TRIM75: variants seen among roughly 807,000 people sequenced by gnomAD.
TRIM75 encodes tripartite motif containing 75, also known as tripartite motif-containing protein 75.
At chr4:165,060,331 A>G in the TRIM75 span, 7 of 780,844 alleles carry the variant, frequency 9.0e-6, no homozygotes, top group African/African-American at 1.0e-4. Context: ...GATGGCTATC[A>G]TGCACCAGGG....
chr4:165,059,344 G>A, the TRIM75 span: 5 of 780,562 alleles, frequency 6.4e-6, no homozygotes, highest in South Asian at 6.7e-5. Context: ...GGGCACTTCA[G>A]GAGCAACACC....
chr4:165,054,343 T>C, the TRIM75 span, among the ~76,000 whole-genome samples: 3 of 150,292 alleles, frequency 2.0e-5, no homozygotes, highest in South Asian at 4.3e-4. Flanking sequence ...TCTTGACTCA[T>C]TGCAACCTCC....
At chr4:165,056,561 T>C in the TRIM75 span, among the ~76,000 whole-genome samples, 89 of 151,474 alleles carry the variant, frequency 5.9e-4, no homozygotes, top group East Asian at 0.012. Context: ...AGACAATCTA[T>C]GTACCATGTC....
chr4:165,059,394 A>G, the TRIM75 span: 14 of 780,748 alleles, frequency 1.8e-5, no homozygotes, highest in African/African-American at 1.5e-4. Context: ...GCTACTCCAG[A>G]GCACCAAGAG....
chr4:165,060,313 T>G, the TRIM75 span: 1 of 780,952 alleles, frequency 1.3e-6, no homozygotes, highest in Non-Finnish European at 2.4e-6. Flanking sequence ...AGAATTGAGC[T>G]GCAAGATGAT....
chr4:165,060,542 A>G, the TRIM75 span: 2 of 742,028 alleles, frequency 2.7e-6, no homozygotes, highest in Non-Finnish European at 5.0e-6. Flanking sequence ...GTACAGGGAC[A>G]GTTTGTGAAT....
At chr4:165,055,922 C>CT in the TRIM75 span, among the ~76,000 whole-genome samples, 1 of 51,488 alleles carries the variant, frequency 1.9e-5, no homozygotes, top group Non-Finnish European at 4.0e-5. Context: ...TCTCTCTCTC[C>CT]CTTTTTTTTT....
At chr4:165,056,580 T>C in the TRIM75 span, among the ~76,000 whole-genome samples, 1 of 146,342 alleles carries the variant, frequency 6.8e-6, no homozygotes, top group African/African-American at 2.6e-5. Flanking sequence ...TCCTTTTTCT[T>C]TTTCTTTCTC....
chr4:165,054,474 G>A, the TRIM75 span, among the ~76,000 whole-genome samples: 169 of 152,042 alleles, frequency 1.1e-3, no homozygotes, highest in Non-Finnish European at 2.0e-3. Flanking sequence ...TCACCATGTT[G>A]GCCAGTATGG....
chr4:165,056,183 C>T, the TRIM75 span, among the ~76,000 whole-genome samples: 1 of 151,884 alleles, frequency 6.6e-6, no homozygotes. Flanking sequence ...TTCAGCTTGG[C>T]GAGGTGGCTC....
the TRIM75 span, among the ~76,000 whole-genome samples, chr4:165,057,165 C>G: frequency 6.6e-6 from 1 of 152,114 alleles, no homozygotes; most frequent in African/African-American, 2.4e-5. Context: ...CCAATACTGA[C>G]TAGACATTTT....
chr4:165,059,282 G>A, the TRIM75 span: 3 of 780,278 alleles, frequency 3.8e-6, no homozygotes, highest in African/African-American at 5.1e-5. Flanking sequence ...AGTCCTGGCT[G>A]GATCTACAGG....
chr4:165,059,477 G>T, the TRIM75 span: 1 of 780,946 alleles, frequency 1.3e-6, no homozygotes, highest in Non-Finnish European at 2.4e-6. Flanking sequence ...TCTGCAAGGA[G>T]GACCTGATGG....
At chr4:165,056,596 C>T in the TRIM75 span, among the ~76,000 whole-genome samples, 2 of 130,172 alleles carry the variant, frequency 1.5e-5, no homozygotes, top group Non-Finnish European at 3.3e-5. Context: ...TTCTCTGTCT[C>T]TGTCTCTTTT....
chr4:165,059,843 C>G, the TRIM75 span: 1 of 780,726 alleles, frequency 1.3e-6, no homozygotes, highest in Non-Finnish European at 2.4e-6. Flanking sequence ...CACTCAAAAG[C>G]CAGTTAAGTA....
At chr4:165,060,401 CTA>C in the TRIM75 span, 1 of 780,904 alleles carries the variant, frequency 1.3e-6, no homozygotes, top group Middle Eastern at 2.3e-4. Context: ...TTTTCCTGGA[CTA>C]TGAGATGGGT....
the TRIM75 span, chr4:165,060,118 A>G: frequency 1.3e-6 from 1 of 780,946 alleles, no homozygotes; most frequent in East Asian, 2.4e-5. Flanking sequence ...AGAAAACAAA[A>G]GGTTCCTGGT....
At chr4:165,058,770 C>G in the TRIM75 span, among the ~76,000 whole-genome samples, 4 of 151,732 alleles carry the variant, frequency 2.6e-5, no homozygotes, top group African/African-American at 9.7e-5. Context: ...TTGTTTTGTT[C>G]TTAAGAAAGA....
At chr4:165,056,835 T>C in the TRIM75 span, among the ~76,000 whole-genome samples, 4 of 152,104 alleles carry the variant, frequency 2.6e-5, no homozygotes, top group Non-Finnish European at 4.4e-5. Context: ...CAGGCTGGTC[T>C]CAAACTCCTG....
Sources: allele counts gnomAD v4.1 joint callset (sites outside exome capture counted in the v4.1 genomes callset), GRCh38; gene constraint gnomAD v4.1.1; transcripts MANE v1.5; gene names NCBI Gene and HGNC (gene_info 2026-07-23, HGNC 2026-07-21).